Variants in UNC79 observed in about 807,000 individuals in gnomAD.
The protein encoded by UNC79 is protein unc-79 homolog.
A neutral mutation model predicts 283.1 loss-of-function variants in UNC79; 37 were observed. That is an observed-to-expected ratio of 0.13 (90% CI 0.10 to 0.17). UNC79 has a LOEUF of 0.17. Ranked by LOEUF, UNC79 falls within the 10% of genes least tolerant of loss-of-function variation. UNC79 has a pLI of 1.00. For synonymous variants in UNC79, 1,107 were observed against 1,200.2 expected, an observed-to-expected ratio of 0.92 and a Z score of 1.61; for missense variants, 2,272 against 3,211.1, an observed-to-expected ratio of 0.71 and a Z score of 7.07.
Position 93,643,664 on chromosome 14 carries a change from C to T in UNC79, c.6011C>T (p.Pro2004Leu), listed in dbSNP as rs760689087. The change falls in exon 34 of 49, where the codon CCG becomes CTG. Residue 2004 changes from proline (P) to leucine (L), a missense_variant. Physicochemically the swap from Pro to Leu is moderately conservative, Grantham distance 98. Transcript: ENST00000555664. ...CACTTAAGCCCAGACCTGGCAGCCC[C>T]GCTGCTGCTGGATATCATGCAGTCT... 3 of 1,612,854 alleles carry T rather than the reference C, an allele frequency of 1.9e-6. No individual in the cohort carries two copies. The highest frequency in any genetic ancestry group is 2.5e-6 in the Non-Finnish European group (3 of 1,180,020).
chr14:93,347,250 T>G (rs1168961212), intron 1 of UNC79: 1 of 1,589,676 alleles, frequency 6.3e-7, no homozygotes, highest in South Asian at 1.1e-5. Context: ...ACGCCTGGCT[T>G]TGTCTCACCT....
At chr14:93,493,080 A>G (rs2058816048) in intron 5 of UNC79, among the ~76,000 whole-genome samples, 1 of 152,216 alleles carries the variant, frequency 6.6e-6, no homozygotes, top group African/African-American at 2.4e-5. Flanking sequence ...ATACTATAAG[A>G]TGTTATAAAA....
exon 48 of UNC79, chr14:93,704,658 A>G (rs2075750093): frequency 6.2e-7 from 1 of 1,614,186 alleles, no homozygotes; most frequent in East Asian, 2.2e-5. Context: ...GATTCAGTCA[A>G]ATATCAAGGT....
At chr14:93,620,822 T>C (rs2067080557) in intron 29 of UNC79, 70 bp from the exon 31 acceptor site, 1 of 404,802 alleles carries the variant, frequency 2.5e-6, no homozygotes, top group African/African-American at 2.0e-5. Context: ...TTCATTGAAA[T>C]GCTTGTGTAG....
rs139451027 is a variant in UNC79, at chr14:93,660,675, C to T, written c.6525+1414C>T. Among the ~76,000 whole-genome samples, 1,079 of 150,874 alleles carry T rather than the reference C, an allele frequency of 7.2e-3. 12 individuals carry two copies. The highest frequency in any genetic ancestry group is 0.025 in the African/African-American group (1,016 of 41,082). On this transcript the variant is annotated intron_variant, in intron 39 of 48. Coordinates refer to ENST00000555664, the Ensembl canonical transcript of UNC79. ...TGCCAACTTGGCTCACTGCAGCCTCCGGCTCCCGGGTTCAAACAATTCTCC... is the reference window on the plus strand; with the variant it reads ...TGCCAACTTGGCTCACTGCAGCCTCTGGCTCCCGGGTTCAAACAATTCTCC...
chr14:93,430,821 C>T lies in UNC79; in HGVS notation c.-209C>T, dbSNP rs78768635. On this transcript the variant is annotated 5_prime_UTR_variant, in exon 1 of 49. Coordinates refer to ENST00000555664, the Ensembl canonical transcript of UNC79. The surrounding 1 kb of genome is among the most constrained non-coding windows in gnomAD (Gnocchi z 4.6). ...GCCTATTAAATCCCACCCATTTCTC[C>T]GGGGGCGATTTCCTAACCTTCCGGG... 1.2e-4 allele frequency: 60 copies of T among 500,028 alleles called. No homozygotes were observed. In the East Asian group the frequency reaches 1.8e-3, roughly 15 times the overall value. The allele number at this position is 500,028 out of a possible 1,614,324, so 31.0% of individuals were successfully genotyped here. A position where few individuals can be genotyped will look rare whatever the true frequency, so the allele number is the denominator to read the frequency against.
intron 1 of UNC79, among the ~76,000 whole-genome samples, chr14:93,408,530 AAAAAATAAAAAAC>A (rs2055271341): frequency 6.6e-6 from 1 of 152,172 alleles, no homozygotes; most frequent in Non-Finnish European, 1.5e-5. Context: ...CTGTCTCTGC[AAAAAATAAAAAAC>A]CAGCTGGGCA....
At chr14:93,381,630 C>T (rs1379549401) in intron 1 of UNC79, among the ~76,000 whole-genome samples, 3 of 152,174 alleles carry the variant, frequency 2.0e-5, no homozygotes, top group Non-Finnish European at 4.4e-5. Flanking sequence ...AAAACATCAT[C>T]TAGAGAGTTG....
intron 1 of UNC79, among the ~76,000 whole-genome samples, chr14:93,341,112 A>C (rs900172172): frequency 2.0e-5 from 3 of 152,180 alleles, no homozygotes; most frequent in Non-Finnish European, 4.4e-5. Flanking sequence ...CCATTGAAGA[A>C]TATCTAGATG....
intron 16 of UNC79, among the ~76,000 whole-genome samples, chr14:93,574,025 A>G (rs929697044): frequency 2.0e-5 from 3 of 152,126 alleles, no homozygotes; most frequent in Admixed American, 6.5e-5. Flanking sequence ...CAAACAAACA[A>G]ACAGTCAACT....
At chr14:93,336,485 G>C (rs937046955) in intron 1 of UNC79, among the ~76,000 whole-genome samples, 3 of 152,126 alleles carry the variant, frequency 2.0e-5, no homozygotes, top group African/African-American at 7.2e-5. Context: ...GGGATTACAG[G>C]TGCGTGCCAC....
intron 5 of UNC79, among the ~76,000 whole-genome samples, chr14:93,489,502 A>G (rs1014159096): frequency 6.6e-6 from 1 of 152,264 alleles, no homozygotes; most frequent in Admixed American, 6.5e-5. Context: ...TTGGACAGGC[A>G]TAGCATAGAC....
rs1489370584 is a variant in UNC79 at position 93,694,422 on chromosome 14, C to T, written c.7548+10C>T. On this transcript the variant is annotated intron_variant, in intron 47 of 48. Coordinates refer to ENST00000555664, the Ensembl canonical transcript of UNC79. ...GACCATTTTTGTCAAGGTAGGAAAA[C>T]CTTATGATTTTTAAAGACCATTTCT... 1.2e-6 allele frequency: 2 copies of T among 1,604,536 alleles called. No homozygotes were observed. The highest frequency in any genetic ancestry group is 1.7e-6 in the Non-Finnish European group (2 of 1,172,468).
chr14:93,347,285 G>C, intron 1 of UNC79: 1 of 1,605,092 alleles, frequency 6.2e-7, no homozygotes, highest in South Asian at 1.1e-5. Flanking sequence ...CTCCTGCGTG[G>C]GCGCTGTCCT....
chr14:93,596,494 G>A (rs1413444716), intron 23 of UNC79, among the ~76,000 whole-genome samples: 1 of 152,168 alleles, frequency 6.6e-6, no homozygotes, highest in African/African-American at 2.4e-5. Flanking sequence ...AGTTAGCTGG[G>A]CATGGTGGTG....
At chr14:93,597,305 G>T in intron 23 of UNC79, 54 bp from the exon 24 acceptor site, 1 of 1,564,770 alleles carries the variant, frequency 6.4e-7, no homozygotes, top group Non-Finnish European at 8.7e-7. Flanking sequence ...GTGTATGCGT[G>T]TGCCTGTAGG....
chr14:93,497,406 G>A (rs1402286992), intron 7 of UNC79, 120 bp downstream of exon 7: 2 of 1,287,688 alleles, frequency 1.6e-6, no homozygotes, highest in East Asian at 5.5e-5. Flanking sequence ...TTTGGACATG[G>A]TCATAAATCC....
At chr14:93,342,075 G>C (rs117820006) in intron 1 of UNC79, among the ~76,000 whole-genome samples, 15 of 152,306 alleles carry the variant, frequency 9.8e-5, no homozygotes, top group Non-Finnish European at 2.2e-4. Context: ...CCACTAGGCA[G>C]TGCTGTAGTA....
At chr14:93,484,725 G>A (rs377051810) in intron 4 of UNC79, among the ~76,000 whole-genome samples, 20 of 152,140 alleles carry the variant, frequency 1.3e-4, no homozygotes, top group African/African-American at 4.6e-4. Flanking sequence ...TTTACATCAT[G>A]CCTTTTTAAC....
Sources: allele counts gnomAD v4.1 joint callset (sites outside exome capture counted in the v4.1 genomes callset), GRCh38; gene constraint gnomAD v4.1.1; non-coding constraint Gnocchi (gnomAD v3.1); transcripts MANE v1.5; gene names NCBI Gene and HGNC (gene_info 2026-07-23, HGNC 2026-07-21).